P2RY14: variants seen among roughly 807,000 people sequenced by gnomAD.
P2RY14 encodes purinergic receptor P2Y14, also known as P2Y purinoceptor 14.
In P2RY14, 2 loss-of-function variants were observed where a neutral mutation model predicts 0.9. The ratio of observed to expected loss-of-function variants is 2.16; its 90% confidence interval spans 0.88 to 6.79. The LOEUF is 6.79. P2RY14 is among the 30% of genes most tolerant of loss of function. The pLI is 0.05. For missense variants in P2RY14, 378 were observed against 400.1 expected (o/e 0.94, Z 0.47); for synonymous variants, 158 against 147.2 (o/e 1.07, Z -0.53).
At chr3:151,235,996 G>A (rs1056410279) in intron 1 of P2RY14, among the ~76,000 whole-genome samples, 1 of 151,872 alleles carries the variant, frequency 6.6e-6, no homozygotes, top group African/African-American at 2.4e-5. Context: ...GACTTTCAAT[G>A]GCAAAAACTG....
intron 1 of P2RY14, among the ~76,000 whole-genome samples, chr3:151,244,916 A>G (rs1559929633): frequency 6.6e-6 from 1 of 152,232 alleles, no homozygotes; most frequent in African/African-American, 2.4e-5. Flanking sequence ...AATAGACCCA[A>G]TAAAAAATGA....
At chr3:151,227,650 A>G (rs1318976781) in intron 1 of P2RY14, among the ~76,000 whole-genome samples, 3 of 152,172 alleles carry the variant, frequency 2.0e-5, no homozygotes, top group African/African-American at 7.2e-5. Flanking sequence ...CATGACCTCC[A>G]ATGGATACAT....
At position 151,235,604 on chromosome 3, in the gene P2RY14, G is replaced by A. The variant is rs569603090; in HGVS notation, c.-132-15962C>T. Among the ~76,000 whole-genome samples the A allele has an allele frequency of 3.3e-5, 5 of 152,230 alleles. No individual in the cohort carries two copies. The East Asian group carries it at 9.7e-4, about 29-fold the overall frequency. ...AGTTACGCGGGAGGCTGAGGCAGGA[G>A]AATTCCTTGAACCTGGGAGGCAGAG... On this transcript the variant is annotated intron_variant, in intron 1 of 2. Coordinates refer to ENST00000309170, the MANE Select transcript of P2RY14 (RefSeq NM_014879.4).
At chr3:151,247,469 G>T (rs1735820407) in intron 1 of P2RY14, among the ~76,000 whole-genome samples, 1 of 151,526 alleles carries the variant, frequency 6.6e-6, no homozygotes, top group Non-Finnish European at 1.5e-5. Context: ...GTAGGGACAT[G>T]GATGAAATTG....
chr3:151,250,873 C>T (rs182995936), intron 1 of P2RY14, among the ~76,000 whole-genome samples: 64 of 152,312 alleles, frequency 4.2e-4, no homozygotes, highest in Admixed American at 5.2e-4. Flanking sequence ...AACCATCTTA[C>T]GTTCCCACCA....
rs1577089158 is a variant in P2RY14, at chr3:151,243,000, G to A, written c.-132-23358C>T. The stretch of plus-strand genomic sequence containing the variant: ...GCCTCAGGAGCCCATGCGATCAACT[G>A]GAAGAAAGGGTATCAGCGATGGAAG... On this transcript the variant is annotated intron_variant, in intron 1 of 2. Coordinates refer to ENST00000309170, the MANE Select transcript of P2RY14 (RefSeq NM_014879.4). Among the ~76,000 whole-genome samples the A allele has an allele frequency of 2.0e-5, 3 of 151,844 alleles. No homozygotes were observed. In the South Asian group the frequency reaches 6.3e-4, roughly 32 times the overall value.
intron 1 of P2RY14, chr3:151,248,806 A>G (rs1430134419): frequency 6.6e-6 from 1 of 152,154 alleles, no homozygotes; most frequent in African/African-American, 2.4e-5. Flanking sequence ...GCCATTTTAC[A>G]TTGTAATCAC....
chr3:151,241,207 C>T (rs1367484250), intron 1 of P2RY14, among the ~76,000 whole-genome samples: 1 of 152,100 alleles, frequency 6.6e-6, no homozygotes. Flanking sequence ...GACTATATCT[C>T]TTTAGTTGGT....
chr3:151,265,978 G>A (rs1410116649), intron 1 of P2RY14, among the ~76,000 whole-genome samples: 2 of 152,144 alleles, frequency 1.3e-5, no homozygotes, highest in Non-Finnish European at 2.9e-5. Flanking sequence ...GTTCAAAGAG[G>A]CATTTAATTG....
chr3:151,268,091 T>C (rs755487299), intron 1 of P2RY14, among the ~76,000 whole-genome samples: 2 of 152,186 alleles, frequency 1.3e-5, no homozygotes, highest in Non-Finnish European at 2.9e-5. Context: ...TGGTAGTCTT[T>C]AAACAGTGGG....
At chr3:151,270,377 C>T (rs1290205149) in intron 1 of P2RY14, among the ~76,000 whole-genome samples, 3 of 152,022 alleles carry the variant, frequency 2.0e-5, no homozygotes, top group Non-Finnish European at 4.4e-5. Flanking sequence ...GTTCCAAATT[C>T]ATTTTTATCC....
chr3:151,227,848 GTGGGTAGGC>G, intron 1 of P2RY14, among the ~76,000 whole-genome samples: 1 of 152,274 alleles, frequency 6.6e-6, no homozygotes, highest in Admixed American at 6.5e-5. Context: ...TCAGTTCTTT[GTGGGTAGGC>G]TGTCTTGTGT....
intron 2 of P2RY14, among the ~76,000 whole-genome samples, chr3:151,219,018 T>C (rs1470764838): frequency 2.6e-5 from 4 of 152,160 alleles, no homozygotes; most frequent in Non-Finnish European, 2.9e-5. Context: ...CTACATTGTC[T>C]ACTGTCACTT....
intron 1 of P2RY14, among the ~76,000 whole-genome samples, chr3:151,246,414 A>C (rs1735485517): frequency 6.6e-6 from 1 of 152,064 alleles, no homozygotes; most frequent in South Asian, 2.1e-4. Flanking sequence ...TACTGGTACC[A>C]AAACAGAGAT....
chr3:151,223,301 A>G (rs937898411), intron 1 of P2RY14, among the ~76,000 whole-genome samples: 1 of 152,166 alleles, frequency 6.6e-6, no homozygotes, highest in Non-Finnish European at 1.5e-5. Context: ...AAAGAACTAA[A>G]CATAAAATTA....
At chr3:151,232,010 G>A (rs1731773933) in intron 1 of P2RY14, among the ~76,000 whole-genome samples, 1 of 152,162 alleles carries the variant, frequency 6.6e-6, no homozygotes, top group African/African-American at 2.4e-5. Context: ...ACACACACGT[G>A]TGTGTGTTGG....
chr3:151,234,046 C>G (rs1732248099), intron 1 of P2RY14, among the ~76,000 whole-genome samples: 2 of 152,222 alleles, frequency 1.3e-5, no homozygotes, highest in Admixed American at 1.3e-4. Flanking sequence ...GATGAACATT[C>G]ACTCACTCTG....
At chr3:151,247,762 A>T (rs1371747712) in intron 1 of P2RY14, among the ~76,000 whole-genome samples, 7 of 14,422 alleles carry the variant, frequency 4.9e-4, no homozygotes, top group South Asian at 4.8e-3. Flanking sequence ...AATGTATAAT[A>T]AAAAAAAAAA....
At chr3:151,261,043 A>G (rs1310050562) in intron 1 of P2RY14, among the ~76,000 whole-genome samples, 1 of 152,132 alleles carries the variant, frequency 6.6e-6, no homozygotes, top group East Asian at 1.9e-4. Context: ...GTGTTTAACA[A>G]TGGAATGTCA....
Sources: gnomAD v4.1 joint callset for allele counts (sites outside exome capture counted in the v4.1 genomes callset) on GRCh38, gnomAD v4.1.1 for gene constraint, MANE v1.5 for transcripts, NCBI Gene and HGNC (gene_info 2026-07-23, HGNC 2026-07-21) for gene names.